Variants in KCNK5 observed in about 807,000 individuals in gnomAD.
The protein encoded by KCNK5 is potassium channel subfamily K member 5.
A neutral mutation model predicts 32.9 loss-of-function variants in KCNK5; 18 were observed. The ratio of observed to expected loss-of-function variants is 0.55; its 90% CI spans 0.38 to 0.81. The LOEUF (loss-of-function observed/expected upper bound fraction) is 0.81, where lower values mean the gene tolerates loss of function less well. Among genes scored for constraint, KCNK5 ranks in the 30% least tolerant of loss-of-function variants. The pLI is 0.00. For synonymous variants in KCNK5, 276 were observed against 275.3 expected (o/e 1.00, Z -0.03); for missense variants, 507 against 651.0 (o/e 0.78, Z 2.41).
intron 1 of KCNK5, among the ~76,000 whole-genome samples, chr6:39,221,012 T>C (rs1218631209): frequency 6.6e-6 from 1 of 152,202 alleles, no homozygotes; most frequent in African/African-American, 2.4e-5. Flanking sequence ...CTCGCCTCTA[T>C]GCTTTGCTCC....
At chr6:39,205,007 C>T (rs1771198486) in intron 1 of KCNK5, among the ~76,000 whole-genome samples, 1 of 152,246 alleles carries the variant, frequency 6.6e-6, no homozygotes, top group Non-Finnish European at 1.5e-5. Flanking sequence ...GGCAGGTGAC[C>T]CTGCCCGCAT....
intron 1 of KCNK5, among the ~76,000 whole-genome samples, chr6:39,216,377 TGAACAGTGCA>T (rs1226586375): frequency 2.6e-5 from 4 of 152,184 alleles, no homozygotes; most frequent in African/African-American, 9.7e-5. Context: ...CCTGGAAGAC[TGAACAGTGCA>T]GAGCTGGGCA....
At position 39,229,175 on chromosome 6, in the gene KCNK5, G is replaced by T. The variant is rs1583726923; in HGVS notation, c.-64C>A. 5 of 1,530,748 alleles carry T rather than the reference G, an allele frequency of 3.3e-6. No homozygotes were observed. In the East Asian group the frequency reaches 6.8e-5, roughly 21 times the overall value. 94.8% of individuals were successfully genotyped at this position (1,530,748 alleles called of 1,614,324 possible). ...AGCCCCAGCTGCTACCAGTCCGCCCGCCCTCCAGCCTCTGAAAACAGCTGT... is the reference window on the plus strand; with the variant it reads ...AGCCCCAGCTGCTACCAGTCCGCCCTCCCTCCAGCCTCTGAAAACAGCTGT... On this transcript the variant is annotated 5_prime_UTR_variant, in exon 1 of 5. Coordinates refer to ENST00000359534, the MANE Select transcript of KCNK5 (RefSeq NM_003740.4).
chr6:39,224,346 G>A (rs899722264), intron 1 of KCNK5, among the ~76,000 whole-genome samples: 1 of 152,230 alleles, frequency 6.6e-6, no homozygotes, highest in South Asian at 2.1e-4. Flanking sequence ...TTTCCAACAA[G>A]GCCTGAGACA....
Position 39,201,180 on chromosome 6 carries a change from T to A in KCNK5, c.187-5193A>T, listed in dbSNP as rs115020115. On this transcript the variant is annotated intron_variant, in intron 1 of 4. Coordinates refer to ENST00000359534, the MANE Select transcript of KCNK5 (RefSeq NM_003740.4). Reference sequence around the variant, plus strand: ...GGATTGTCAGTGGTTCATGGGTTAATGGGTTAATGGGTTAATGGGTTCATG... The same window carrying A: ...GGATTGTCAGTGGTTCATGGGTTAAAGGGTTAATGGGTTAATGGGTTCATG... Among the ~76,000 whole-genome samples the A allele has an allele frequency of 7.2e-4, 110 of 152,226 alleles. 1 individual carries two copies. Among genetic ancestry groups the A allele is most frequent in the African/African-American group, 2.6e-3 (109 of 41,536 alleles).
Position 39,194,587 on chromosome 6 carries a change from G to T in KCNK5, c.465+7C>A. The T allele has an allele frequency of 6.2e-7, 1 of 1,613,960 alleles. No individual in the cohort carries two copies. The highest frequency in any genetic ancestry group is 8.5e-7 in the Non-Finnish European group (1 of 1,179,908). On this transcript the variant is annotated splice_region_variant and intron_variant, in intron 3 of 4. Coordinates refer to ENST00000359534, the MANE Select transcript of KCNK5 (RefSeq NM_003740.4). This position sits in a 1 kb window ranked among gnomAD's most constrained non-coding sequence, Gnocchi z 4.7. ...TCTCTGCCCAACACCCAGGGTAGGGGACATACCAGACTCACACCTCTCTTG... is the reference window on the plus strand; with the variant it reads ...TCTCTGCCCAACACCCAGGGTAGGGTACATACCAGACTCACACCTCTCTTG...
chr6:39,205,175 C>T (rs532218468), intron 1 of KCNK5, among the ~76,000 whole-genome samples: 26 of 152,282 alleles, frequency 1.7e-4, no homozygotes, highest in Admixed American at 1.0e-3. Context: ...GGAATGTCAG[C>T]GTGAGCTCTC....
intron 1 of KCNK5, among the ~76,000 whole-genome samples, chr6:39,222,743 A>G (rs986038112): frequency 6.6e-6 from 1 of 152,232 alleles, no homozygotes; most frequent in African/African-American, 2.4e-5. Flanking sequence ...TTAATTGAGG[A>G]AACTCCATAC....
intron 1 of KCNK5, among the ~76,000 whole-genome samples, chr6:39,218,329 G>A (rs756268434): frequency 2.6e-5 from 4 of 152,068 alleles, no homozygotes; most frequent in Non-Finnish European, 5.9e-5. Flanking sequence ...TAGGCCTCCC[G>A]AAGTGGTGGG....
At chr6:39,222,008 C>G (rs780395273) in intron 1 of KCNK5, among the ~76,000 whole-genome samples, 1 of 152,220 alleles carries the variant, frequency 6.6e-6, no homozygotes, top group Non-Finnish European at 1.5e-5. Context: ...GTAGGGAGGG[C>G]CCGTTCTGTG....
chr6:39,211,826 T>C (rs1052296718), intron 1 of KCNK5, among the ~76,000 whole-genome samples: 1 of 151,282 alleles, frequency 6.6e-6, no homozygotes, highest in African/African-American at 2.4e-5. Context: ...TAGCTGGGCA[T>C]GGTGGTGAAT....
At chr6:39,200,742 C>T (rs1302835595) in intron 1 of KCNK5, among the ~76,000 whole-genome samples, 1 of 152,228 alleles carries the variant, frequency 6.6e-6, no homozygotes, top group African/African-American at 2.4e-5. Context: ...CCCAGAGCTT[C>T]AGATGTCCAG....
At chr6:39,221,242 A>AGTGGCTCCCACAGCCT (rs1055797769) in intron 1 of KCNK5, among the ~76,000 whole-genome samples, 1 of 152,308 alleles carries the variant, frequency 6.6e-6, no homozygotes, top group Non-Finnish European at 1.5e-5. Context: ...GATGCACATC[A>AGTGGCTCCCACAGCCT]GTGGCTCCCA....
chr6:39,201,007 G>T (rs1771125305), intron 1 of KCNK5, among the ~76,000 whole-genome samples: 1 of 152,186 alleles, frequency 6.6e-6, no homozygotes, highest in Non-Finnish European at 1.5e-5. Flanking sequence ...AGCCTGTTGG[G>T]ATCACAGCTA....
rs1037997594 is a variant in KCNK5, at chr6:39,189,051, G to A, written c.*1839C>T. On this transcript the variant is annotated 3_prime_UTR_variant, in exon 5 of 5. Transcript: ENST00000359534. Reference sequence around the variant, plus strand: ...ATCGTTGCCAGTATGTACATACAGTGTGCGCGATGCCAGGACAACCAGCAA... The same window carrying A: ...ATCGTTGCCAGTATGTACATACAGTATGCGCGATGCCAGGACAACCAGCAA... 6.6e-5 allele frequency: 10 copies of A among 152,264 alleles called. No individual in the cohort carries two copies. Among genetic ancestry groups the A allele is most frequent in the African/African-American group, 2.4e-4 (10 of 41,464 alleles). The allele number at this position is 152,264 out of a possible 1,614,324, so 9.4% of individuals were successfully genotyped here.
chr6:39,189,613 A>T lies in KCNK5; in HGVS notation c.*1277T>A, dbSNP rs1207476450. ...ACACAGTGGGCCAGCCCCAGGGTGA[A>T]CATCATGGAGAACCCAAGAACTCTA... On this transcript the variant is annotated 3_prime_UTR_variant, in exon 5 of 5. Transcript: ENST00000359534. 1 of 152,690 alleles carries T rather than the reference A, an allele frequency of 6.5e-6. No homozygotes were observed. The highest frequency in any genetic ancestry group is 1.5e-5 in the Non-Finnish European group (1 of 68,052). 9.5% of individuals were successfully genotyped at this position (152,690 alleles called of 1,614,324 possible). A position where few individuals can be genotyped will look rare whatever the true frequency, so the allele number is the denominator to read the frequency against.
At chr6:39,199,628 A>G (rs370364416) in intron 1 of KCNK5, among the ~76,000 whole-genome samples, 1 of 152,168 alleles carries the variant, frequency 6.6e-6, no homozygotes, top group East Asian at 1.9e-4. Context: ...TAGGTTGTAG[A>G]CTGTCTGGTT....
intron 4 of KCNK5, among the ~76,000 whole-genome samples, chr6:39,193,589 G>A (rs1449036711): frequency 1.3e-5 from 2 of 152,218 alleles, no homozygotes; most frequent in Non-Finnish European, 2.9e-5. Context: ...AGACAAAGGG[G>A]CCAAAGAACC....
rs1489259905 is a variant in KCNK5, at chr6:39,229,321, T to G, written c.-210A>C. The G allele has an allele frequency of 3.3e-6, 2 of 612,106 alleles. No homozygotes were observed. The highest frequency in any genetic ancestry group is 5.7e-6 in the Non-Finnish European group (2 of 353,668). The allele number at this position is 612,106 out of a possible 1,614,324, so 37.9% of individuals were successfully genotyped here. ...TGCGGGGAGCTGCGTGGGGCCCCAC[T>G]CACGCGGCCCGGGGTGGGCGAACAC... is the stretch of plus-strand genomic sequence containing the variant. On this transcript the variant is annotated 5_prime_UTR_variant, in exon 1 of 5. Coordinates refer to ENST00000359534, the MANE Select transcript of KCNK5 (RefSeq NM_003740.4).
Sources: gnomAD v4.1 joint callset for allele counts (sites outside exome capture counted in the v4.1 genomes callset) on GRCh38, gnomAD v4.1.1 for gene constraint, Gnocchi (gnomAD v3.1) non-coding constraint, MANE v1.5 for transcripts, NCBI Gene and HGNC (gene_info 2026-07-23, HGNC 2026-07-21) for gene names.